The following ASAP1 variants were observed in gnomAD, a reference collection of about 807,000 sequenced individuals.
The protein encoded by ASAP1 is ArfGAP with SH3 domain, ankyrin repeat and PH domain 1, also known as arf-GAP with SH3 domain, ANK repeat and PH domain-containing protein 1.
A neutral mutation model predicts 145.2 loss-of-function variants in ASAP1; 43 were observed. The ratio of observed to expected loss-of-function variants is 0.30; its 90% CI spans 0.23 to 0.38. The LOEUF is 0.38. Ranked by LOEUF, ASAP1 falls within the 10% of genes least tolerant of loss-of-function variation. The pLI is 1.00. For synonymous variants in ASAP1, 546 were observed against 515.5 expected (o/e 1.06, Z -0.80); for missense variants, 1,018 against 1,355.3 (o/e 0.75, Z 3.91).
intron 13 of ASAP1, among the ~76,000 whole-genome samples, chr8:130,149,407 A>G (rs1214481189): frequency 6.6e-6 from 1 of 151,992 alleles, no homozygotes; most frequent in East Asian, 1.9e-4. Flanking sequence ...TATGAATGAA[A>G]TCTTCTAAGG....
chr8:130,151,605 T>A (rs898283484), intron 13 of ASAP1, among the ~76,000 whole-genome samples: 1 of 152,104 alleles, frequency 6.6e-6, no homozygotes, highest in Non-Finnish European at 1.5e-5. Context: ...CTGAAAAGTG[T>A]GCTGCGAGGG....
chr8:130,089,924 C>A (rs1431950950), intron 25 of ASAP1, among the ~76,000 whole-genome samples: 1 of 152,056 alleles, frequency 6.6e-6, no homozygotes, highest in Non-Finnish European at 1.5e-5. Flanking sequence ...TCACTGTGGC[C>A]GAGGACAGAT....
At position 130,072,729 on chromosome 8, in the gene ASAP1, T is replaced by C. The variant is rs566326301; in HGVS notation, c.2701+3619A>G. Among the ~76,000 whole-genome samples, 3 of 149,306 alleles carry C rather than the reference T, an allele frequency of 2.0e-5. No homozygotes were observed. The East Asian group carries it at 6.0e-4, about 30-fold the overall frequency. On this transcript the variant is annotated intron_variant, in intron 27 of 29. Coordinates refer to ENST00000518721, the MANE Select transcript of ASAP1 (RefSeq NM_018482.4). ...AAATTAAATGAATCCAAAGAGGGAG[T>C]TGTAGGAGCCCCACCTTGTAGCCAG...
At chr8:130,096,192 TA>T (rs2097517555) in intron 24 of ASAP1, among the ~76,000 whole-genome samples, 2 of 152,082 alleles carry the variant, frequency 1.3e-5, no homozygotes, top group East Asian at 3.9e-4. Flanking sequence ...AATGCAGACT[TA>T]AAAAAATGTT....
At chr8:130,227,951 A>G (rs1817681877) in intron 4 of ASAP1, among the ~76,000 whole-genome samples, 1 of 152,186 alleles carries the variant, frequency 6.6e-6, no homozygotes, top group African/African-American at 2.4e-5. Context: ...AGGGAAGGGC[A>G]ACAGCACATG....
chr8:130,191,586 T>C (rs1421719406), intron 5 of ASAP1, among the ~76,000 whole-genome samples: 1 of 152,310 alleles, frequency 6.6e-6, no homozygotes, highest in East Asian at 1.9e-4. Flanking sequence ...TATGCTATTA[T>C]GTATTATGTG....
chr8:130,070,831 G>C (rs1185485232), intron 27 of ASAP1, among the ~76,000 whole-genome samples: 2 of 21,956 alleles, frequency 9.1e-5, no homozygotes, highest in Non-Finnish European at 1.7e-4. Context: ...GGGAGAGAGG[G>C]AGAGAGAGGG....
chr8:130,181,629 C>A (rs1814363765), intron 7 of ASAP1, among the ~76,000 whole-genome samples: 1 of 152,076 alleles, frequency 6.6e-6, no homozygotes, highest in South Asian at 2.1e-4. Flanking sequence ...CAGAAGAAAT[C>A]CTAATTTGGA....
chr8:130,093,911 C>G (rs1213964855), intron 24 of ASAP1, among the ~76,000 whole-genome samples: 1 of 152,026 alleles, frequency 6.6e-6, no homozygotes. Flanking sequence ...ATAAGATAGG[C>G]TAGTTCTGAA....
intron 3 of ASAP1, among the ~76,000 whole-genome samples, chr8:130,312,209 C>T (rs1422036253): frequency 6.6e-6 from 1 of 150,526 alleles, no homozygotes; most frequent in African/African-American, 2.4e-5. Flanking sequence ...CCTGGGAGGT[C>T]GACGCTGTAG....
chr8:130,407,024 A>G (rs1230924230), intron 1 of ASAP1, among the ~76,000 whole-genome samples: 5 of 152,316 alleles, frequency 3.3e-5, no homozygotes, highest in African/African-American at 1.2e-4. Context: ...AACCATAAGG[A>G]AAGTACCTAC....
intron 11 of ASAP1, chr8:130,160,761 T>C (rs2097667484): frequency 1.6e-6 from 2 of 1,267,954 alleles, no homozygotes; most frequent in Non-Finnish European, 2.1e-6. Flanking sequence ...GGACAATATA[T>C]TCTCATAAAA....
intron 3 of ASAP1, among the ~76,000 whole-genome samples, chr8:130,335,821 G>T (rs1824997643): frequency 6.6e-6 from 1 of 152,190 alleles, no homozygotes; most frequent in Non-Finnish European, 1.5e-5. Context: ...TAGCTACTCT[G>T]TAGGCTTGAA....
At chr8:130,148,037 G>GCA (rs1345805613) in intron 13 of ASAP1, among the ~76,000 whole-genome samples, 1 of 152,200 alleles carries the variant, frequency 6.6e-6, no homozygotes, top group Non-Finnish European at 1.5e-5. Flanking sequence ...TAGAACACTT[G>GCA]CATTATCTTC....
At chr8:130,272,413 T>C (rs1474375837) in intron 3 of ASAP1, among the ~76,000 whole-genome samples, 1 of 152,148 alleles carries the variant, frequency 6.6e-6, no homozygotes, top group Admixed American at 6.5e-5. Context: ...ATTAGTACAG[T>C]CGCTGTGAAA....
intron 4 of ASAP1, among the ~76,000 whole-genome samples, chr8:130,223,007 G>T (rs533493091): frequency 6.6e-6 from 1 of 152,162 alleles, no homozygotes; most frequent in East Asian, 1.9e-4. Context: ...AGCTCCTAGG[G>T]GCCTTAATTT....
chr8:130,402,962 G>A (rs1026827565), intron 1 of ASAP1, among the ~76,000 whole-genome samples: 16 of 150,682 alleles, frequency 1.1e-4, no homozygotes, highest in Admixed American at 9.9e-4. Flanking sequence ...ATTGTGTACA[G>A]ACATAAAAAC....
At chr8:130,393,051 T>C (rs34179841) in intron 2 of ASAP1, among the ~76,000 whole-genome samples, 14,544 of 152,216 alleles carry the variant, frequency 0.096, 713 homozygotes, top group Middle Eastern at 0.16. Context: ...ATATTATGAG[T>C]GTTCTCATAA....
In ASAP1 at chr8:130,436,538, G is replaced by A. The variant is rs552933508; in HGVS notation, c.-28+6922C>T. Among the ~76,000 whole-genome samples the A allele has an allele frequency of 2.7e-4, 41 of 152,304 alleles. No individual in the cohort carries two copies. The South Asian group carries it at 7.9e-3, about 29-fold the overall frequency. The stretch of plus-strand genomic sequence containing the variant: ...TTGCCGAAGCTGGTCTCAAACTCCC[G>A]AGGCTCAAGCAATCCACCCGCCTTG... On this transcript the variant is annotated intron_variant, in intron 1 of 29. Coordinates refer to ENST00000518721, the MANE Select transcript of ASAP1 (RefSeq NM_018482.4).
Sources: allele counts gnomAD v4.1 joint callset (sites outside exome capture counted in the v4.1 genomes callset), GRCh38; gene constraint gnomAD v4.1.1; transcripts MANE v1.5; gene names NCBI Gene and HGNC (gene_info 2026-07-23, HGNC 2026-07-21).